Variants in ANXA10 observed in about 807,000 individuals in gnomAD.
ANXA10 encodes annexin A10.
In ANXA10, 49 loss-of-function variants were observed where a neutral mutation model predicts 53.5. That is an observed-to-expected ratio of 0.92 (90% confidence interval 0.73 to 1.16). The LOEUF (loss-of-function observed/expected upper bound fraction) is 1.16. ANXA10 is among the 50% of genes most tolerant of loss of function. ANXA10 has a pLI of 0.00. For synonymous variants in ANXA10, 131 were observed against 128.9 expected (o/e 1.02, Z -0.11); for missense variants, 393 against 394.4 (o/e 1.00, Z 0.03).
chr4:168,155,518 TA>T (rs1324416257), intron 3 of ANXA10, among the ~76,000 whole-genome samples: 4 of 18,704 alleles, frequency 2.1e-4, no homozygotes, highest in Admixed American at 1.9e-3. Flanking sequence ...ATAAAATATA[TA>T]ATTATATAAT....
chr4:168,111,272 C>T (rs1326231421), intron 1 of ANXA10, among the ~76,000 whole-genome samples: 1 of 152,132 alleles, frequency 6.6e-6, no homozygotes, highest in African/African-American at 2.4e-5. Flanking sequence ...TGAGGGTGAG[C>T]AAACACTTAG....
At chr4:168,110,650 T>C (rs1730793603) in intron 1 of ANXA10, among the ~76,000 whole-genome samples, 1 of 152,178 alleles carries the variant, frequency 6.6e-6, no homozygotes, top group South Asian at 2.1e-4. Flanking sequence ...TTCTTTCATA[T>C]AGAAGTCTAG....
rs142963108 is a variant in ANXA10, at chr4:168,181,929, C to T, written c.783+188C>T. On this transcript the variant is annotated intron_variant, in intron 10 of 11. Coordinates refer to ENST00000359299, the MANE Select transcript of ANXA10 (RefSeq NM_007193.5). ...AGACATATCAGATAAAAATAATGTT[C>T]TGCTTTCTGTATCAAATTTAGGGAA... Among the ~76,000 whole-genome samples the T allele has an allele frequency of 2.4e-3, 359 of 152,308 alleles. 1 individual carries two copies. Among genetic ancestry groups the T allele is most frequent in the African/African-American group, 7.7e-3 (321 of 41,568 alleles).
chr4:168,149,017 T>C (rs1002025268), intron 3 of ANXA10, among the ~76,000 whole-genome samples: 5 of 152,182 alleles, frequency 3.3e-5, no homozygotes, highest in African/African-American at 1.2e-4. Context: ...TCTTCTGACA[T>C]CAAGAGGTAT....
intron 1 of ANXA10, among the ~76,000 whole-genome samples, chr4:168,122,836 A>G (rs1385076640): frequency 2.0e-5 from 3 of 152,060 alleles, no homozygotes; most frequent in South Asian, 2.1e-4. Context: ...ATTAGGCCCC[A>G]CCTCCAACAC....
intron 1 of ANXA10, among the ~76,000 whole-genome samples, chr4:168,096,597 T>C (rs1730544585): frequency 6.6e-6 from 1 of 152,064 alleles, no homozygotes; most frequent in Non-Finnish European, 1.5e-5. Context: ...TACACTTAAA[T>C]CTAGCCTTTC....
At chr4:168,099,574 G>T (rs1384872336) in intron 1 of ANXA10, among the ~76,000 whole-genome samples, 4 of 152,010 alleles carry the variant, frequency 2.6e-5, no homozygotes, top group South Asian at 2.1e-4. Flanking sequence ...TGTAACAATG[G>T]TTACAACTGA....
intron 1 of ANXA10, among the ~76,000 whole-genome samples, chr4:168,117,937 T>C (rs1050833635): frequency 8.5e-6 from 1 of 117,844 alleles, no homozygotes; most frequent in Non-Finnish European, 1.7e-5. Context: ...ACTCACTCAC[T>C]CCCTCCCTCC....
In ANXA10 at chr4:168,143,558, C is replaced by A. The variant is rs539583004; in HGVS notation, c.195+3978C>A. On this transcript the variant is annotated intron_variant, in intron 3 of 11. Transcript: ENST00000359299. ...AGTAATTCATGAGGTCACTTCTGAT[C>A]TTCCCCACCAAAGCAAGTGCTAGTT... Among the ~76,000 whole-genome samples the A allele has an allele frequency of 3.9e-5, 6 of 152,312 alleles. No homozygotes were observed. In the South Asian group the frequency reaches 1.2e-3, roughly 32 times the overall value.
rs1324460059 is a variant in ANXA10 at position 168,132,949 on chromosome 4, A to G, written c.100+4784A>G. ...ATAACCCCCAAATCAATATGCACAG[A>G]TATTTCGTGGTCATTTGCAGACATG... On this transcript the variant is annotated intron_variant, in intron 2 of 11. Transcript: ENST00000359299. Among the ~76,000 whole-genome samples, 3 of 152,106 alleles carry G rather than the reference A, an allele frequency of 2.0e-5. No homozygotes were observed. In the East Asian group the frequency reaches 5.8e-4, roughly 29 times the overall value.
At chr4:168,166,631 CGT>C (rs34797848) in intron 6 of ANXA10, among the ~76,000 whole-genome samples, 19,267 of 136,434 alleles carry the variant, frequency 0.14, 1,341 homozygotes, top group East Asian at 0.21. Context: ...TTTTGTGTTT[CGT>C]GTGTGTGTGT....
chr4:168,095,540 A>G (rs778954928), intron 1 of ANXA10, among the ~76,000 whole-genome samples: 4 of 152,086 alleles, frequency 2.6e-5, no homozygotes, highest in Non-Finnish European at 4.4e-5. Flanking sequence ...TACTGTCTAT[A>G]TACATCATCC....
chr4:168,167,251 T>C (rs1731897639), intron 6 of ANXA10, among the ~76,000 whole-genome samples: 2 of 152,178 alleles, frequency 1.3e-5, no homozygotes, highest in Non-Finnish European at 2.9e-5. Context: ...CTGACTTATC[T>C]ACTTCATGGT....
chr4:168,181,468 T>C (rs950056177), intron 9 of ANXA10, among the ~76,000 whole-genome samples: 3 of 151,846 alleles, frequency 2.0e-5, no homozygotes, highest in Non-Finnish European at 2.9e-5. Flanking sequence ...TTCCAACAGA[T>C]AGAAATAGAC....
At chr4:168,183,210 T>C (rs978722812) in intron 10 of ANXA10, among the ~76,000 whole-genome samples, 2 of 152,132 alleles carry the variant, frequency 1.3e-5, no homozygotes, top group Non-Finnish European at 2.9e-5. Context: ...TGGGAAAATA[T>C]GTTAATAGTC....
chr4:168,121,361 A>G (rs1031119243), intron 1 of ANXA10, among the ~76,000 whole-genome samples: 6 of 152,166 alleles, frequency 3.9e-5, no homozygotes, highest in Admixed American at 6.5e-5. Flanking sequence ...CATTGTGTAT[A>G]CGTATTTAAT....
Position 168,165,319 on chromosome 4 carries a change from T to C in ANXA10, c.473T>C (p.Leu158Ser). ...SGHFRDTLMN[L>S]VQGTREEGYT... ...CACTTCAGAGATACTCTCATGAACTTGGTCCAGGTATGGCATTCCAAAATT... is the reference window on the plus strand; with the variant it reads ...CACTTCAGAGATACTCTCATGAACTCGGTCCAGGTATGGCATTCCAAAATT... Residue 158 changes from leucine to serine, a missense_variant, in exon 6 of 12, where the codon TTG becomes TCG. Coordinates refer to ENST00000359299, the MANE Select transcript of ANXA10 (RefSeq NM_007193.5). The C allele has an allele frequency of 6.3e-7, 1 of 1,577,666 alleles. No homozygotes were observed. Among genetic ancestry groups the C allele is most frequent in the East Asian group, 2.3e-5 (1 of 44,052 alleles).
Position 168,130,309 on chromosome 4 carries a change from G to C in ANXA10, c.100+2144G>C, listed in dbSNP as rs1049503865. Among the ~76,000 whole-genome samples the C allele has an allele frequency of 1.6e-4, 24 of 151,942 alleles. 1 individual carries two copies. Among genetic ancestry groups the C allele is most frequent in the Admixed American group, 7.9e-4 (12 of 15,214 alleles). On this transcript the variant is annotated intron_variant, in intron 2 of 11. Transcript: ENST00000359299. ...AATGGTGAAACTGCCTTGCATATCT[G>C]GAATAAATCCCACTTAATCATGAAA...
At chr4:168,093,420 A>T (rs937163767) in intron 1 of ANXA10, among the ~76,000 whole-genome samples, 2 of 152,208 alleles carry the variant, frequency 1.3e-5, no homozygotes, top group Non-Finnish European at 2.9e-5. Flanking sequence ...AAGTTGTCTG[A>T]ATATGCTTTA....
Sources: gnomAD v4.1 joint callset for allele counts (sites outside exome capture counted in the v4.1 genomes callset) on GRCh38, gnomAD v4.1.1 for gene constraint, MANE v1.5 for transcripts, NCBI Gene and HGNC (gene_info 2026-07-23, HGNC 2026-07-21) for gene names.